Variants in RFX3 observed in about 807,000 individuals in gnomAD.
RFX3 encodes the protein transcription factor RFX3.
A neutral mutation model predicts 98.6 loss-of-function variants in RFX3; 14 were observed. The observed-to-expected ratio is 0.14, with a 90% confidence interval of 0.09 to 0.22. RFX3 has a LOEUF of 0.22. Among genes scored for constraint, RFX3 ranks in the 10% least tolerant of loss-of-function variants. RFX3 has a pLI of 1.00. For missense variants in RFX3, 639 were observed against 926.9 expected (o/e 0.69, Z 4.03); for synonymous variants, 383 against 328.4 (o/e 1.17, Z -1.80).
intron 14 of RFX3, among the ~76,000 whole-genome samples, chr9:3,254,970 A>G (rs567658620): frequency 3.9e-4 from 60 of 152,226 alleles, no homozygotes; most frequent in Non-Finnish European, 6.3e-4. Context: ...GGTGTTAAAT[A>G]TATGAGAGGC....
chr9:3,284,187 A>G (rs986352521), intron 7 of RFX3, among the ~76,000 whole-genome samples: 8 of 151,784 alleles, frequency 5.3e-5, no homozygotes, highest in African/African-American at 1.9e-4. Flanking sequence ...CATATTAACA[A>G]AAGCATTTGG....
chr9:3,504,164 T>C, intron 1 of RFX3, among the ~76,000 whole-genome samples: 1 of 97,382 alleles, frequency 1.0e-5, no homozygotes, highest in Middle Eastern at 4.5e-3. Context: ...TTATATATTA[T>C]ATATATTATA....
chr9:3,263,790 C>T (rs575870313), intron 12 of RFX3, among the ~76,000 whole-genome samples: 1 of 152,308 alleles, frequency 6.6e-6, no homozygotes, highest in South Asian at 2.1e-4. Flanking sequence ...TTAACCTCCC[C>T]TCTTGTTCTC....
intron 4 of RFX3, among the ~76,000 whole-genome samples, chr9:3,318,386 C>T (rs994158339): frequency 5.3e-5 from 8 of 151,842 alleles, no homozygotes; most frequent in Admixed American, 1.3e-4. Context: ...GTGGAGGGAG[C>T]GGGGAGGGAT....
intron 1 of RFX3, among the ~76,000 whole-genome samples, chr9:3,423,403 G>C (rs1843624912): frequency 6.6e-6 from 1 of 152,110 alleles, no homozygotes; most frequent in Non-Finnish European, 1.5e-5. Context: ...GAGGTGAATG[G>C]ACAAACTGTA....
intron 1 of RFX3, among the ~76,000 whole-genome samples, chr9:3,396,097 G>T (rs1186976793): frequency 6.6e-6 from 1 of 151,230 alleles, no homozygotes; most frequent in African/African-American, 2.4e-5. Flanking sequence ...GTGCAGGTTA[G>T]TTACATATGT....
At chr9:3,325,269 A>G (rs1297216463) in intron 4 of RFX3, among the ~76,000 whole-genome samples, 3 of 152,166 alleles carry the variant, frequency 2.0e-5, no homozygotes, top group African/African-American at 4.8e-5. Flanking sequence ...TGCCAAACCA[A>G]GAATAAATAA....
chr9:3,342,159 A>G (rs1190023439), intron 3 of RFX3, among the ~76,000 whole-genome samples: 1 of 152,348 alleles, frequency 6.6e-6, no homozygotes, highest in Non-Finnish European at 1.5e-5. Flanking sequence ...TTCAATGTCA[A>G]TATATATTAG....
rs1817191693 is a variant in RFX3 at position 3,218,614 on chromosome 9, T to C, written c.*6428A>G. Reference sequence around the variant, plus strand: ...TTCTCACAAAAATCACATCAGGAAATACGTATTTACAAAATCAAATACATT... The same window carrying C: ...TTCTCACAAAAATCACATCAGGAAACACGTATTTACAAAATCAAATACATT... On this transcript the variant is annotated 3_prime_UTR_variant, in exon 17 of 17. Transcript: ENST00000617270. 1 of 152,144 alleles carries C rather than the reference T, an allele frequency of 6.6e-6. No individual in the cohort carries two copies. Among genetic ancestry groups the C allele is most frequent in the African/African-American group, 2.4e-5 (1 of 41,446 alleles). 9.4% of individuals were successfully genotyped at this position (152,144 alleles called of 1,614,324 possible). A position where few individuals can be genotyped will look rare whatever the true frequency, so the allele number is the denominator to read the frequency against.
At chr9:3,240,384 C>G (rs1819754336) in intron 15 of RFX3, among the ~76,000 whole-genome samples, 1 of 152,096 alleles carries the variant, frequency 6.6e-6, no homozygotes, top group Non-Finnish European at 1.5e-5. Context: ...CACTGGCTCC[C>G]CTTGAAAACA....
At chr9:3,516,354 A>G (rs2133882837) in intron 1 of RFX3, among the ~76,000 whole-genome samples, 1 of 152,302 alleles carries the variant, frequency 6.6e-6, no homozygotes, top group East Asian at 1.9e-4. Context: ...AGCCTAAACT[A>G]AAAATTTTTT....
intron 1 of RFX3, among the ~76,000 whole-genome samples, chr9:3,412,119 G>T (rs954171097): frequency 6.6e-6 from 1 of 152,138 alleles, no homozygotes; most frequent in East Asian, 1.9e-4. Flanking sequence ...TGTGAAATCA[G>T]ATCAGTATCT....
At chr9:3,281,360 A>G (rs1399658556) in intron 7 of RFX3, among the ~76,000 whole-genome samples, 1 of 145,212 alleles carries the variant, frequency 6.9e-6, no homozygotes, top group African/African-American at 2.7e-5. Context: ...TTTCCATTGA[A>G]AAAAAAAAAG....
intron 1 of RFX3, among the ~76,000 whole-genome samples, chr9:3,423,790 T>TATATAC (rs1418361643): frequency 1.6e-5 from 2 of 122,322 alleles, no homozygotes; most frequent in Admixed American, 7.5e-5. Context: ...TATATATATA[T>TATATAC]ATATATATAT....
intron 1 of RFX3, among the ~76,000 whole-genome samples, chr9:3,408,593 GTCTCTC>G (rs746689896): frequency 2.0e-5 from 3 of 147,926 alleles, no homozygotes; most frequent in Non-Finnish European, 4.5e-5. Context: ...CTCTGTCTCT[GTCTCTC>G]TCTCTCTCTC....
intron 13 of RFX3, among the ~76,000 whole-genome samples, chr9:3,258,838 T>C (rs1189310673): frequency 6.6e-6 from 1 of 151,374 alleles, no homozygotes; most frequent in East Asian, 1.9e-4. Context: ...TGCATACATT[T>C]ATATTTTAAA....
chr9:3,351,872 G>C (rs1456297107), intron 2 of RFX3, among the ~76,000 whole-genome samples: 1 of 151,836 alleles, frequency 6.6e-6, no homozygotes, highest in Non-Finnish European at 1.5e-5. Flanking sequence ...AGGTTCTTTA[G>C]GCAATTTAAA....
intron 2 of RFX3, among the ~76,000 whole-genome samples, chr9:3,373,535 C>T (rs1838092124): frequency 1.3e-5 from 2 of 152,166 alleles, no homozygotes; most frequent in South Asian, 2.1e-4. Flanking sequence ...CCCTGGGCCT[C>T]AGTTTCCTCA....
chr9:3,414,753 T>TGAGTATATATGTATATAC (rs1842782005), intron 1 of RFX3, among the ~76,000 whole-genome samples: 1 of 132,782 alleles, frequency 7.5e-6, no homozygotes, highest in Admixed American at 7.9e-5. Context: ...TGAGTATATA[T>TGAGTATATATGTATATAC]GAGTATATAT....
Sources: allele counts gnomAD v4.1 joint callset (sites outside exome capture counted in the v4.1 genomes callset), GRCh38; gene constraint gnomAD v4.1.1; transcripts MANE v1.5; gene names NCBI Gene and HGNC (gene_info 2026-07-23, HGNC 2026-07-21).